Variants in NBPF12 observed in about 807,000 individuals in gnomAD.
NBPF12 encodes the protein NBPF member 12.
Under a neutral mutation model 146.4 loss-of-function variants are expected in NBPF12, and 115 were observed. That is an observed-to-expected ratio of 0.79 (90% CI 0.68 to 0.92). The LOEUF is 0.92. Ranked by LOEUF, NBPF12 falls within the 40% of genes least tolerant of loss-of-function variation. The pLI, the probability that NBPF12 is intolerant of heterozygous loss-of-function variation, is 0.00. For synonymous variants in NBPF12, 385 were observed against 508.9 expected, an observed-to-expected ratio of 0.76 and a Z score of 3.28; for missense variants, 1,205 against 1,326.8, an observed-to-expected ratio of 0.91 and a Z score of 1.43.
upstream of NBPF12, among the ~76,000 whole-genome samples, chr1:146,947,009 C>T (rs1170993997): frequency 1.1e-4 from 17 of 152,030 alleles, no homozygotes; most frequent in South Asian, 8.3e-4. Context: ...TTCTGGGCTC[C>T]GTATTCTTTT....
chr1:146,944,337 AAG>A (rs1654926718), upstream of NBPF12, among the ~76,000 whole-genome samples: 2 of 143,640 alleles, frequency 1.4e-5, no homozygotes, highest in African/African-American at 2.5e-5. Context: ...GGGAGAAAGA[AAG>A]GGGCATGGCC....
At chr1:146,981,269 TAAA>T in intron 19 of NBPF12, among the ~76,000 whole-genome samples, 1 of 67,674 alleles carries the variant, frequency 1.5e-5, no homozygotes, top group Non-Finnish European at 2.8e-5. Flanking sequence ...CCCTAAGACT[TAAA>T]GTATTAAAAA....
chr1:146,944,883 C>T (rs1654953437), upstream of NBPF12, among the ~76,000 whole-genome samples: 1 of 145,886 alleles, frequency 6.9e-6, no homozygotes, highest in Non-Finnish European at 1.5e-5. Context: ...TCCCTTCCAC[C>T]CTCCCTCCCT....
At chr1:146,962,555 T>C (rs1229067241) in intron 5 of NBPF12, among the ~76,000 whole-genome samples, 23,437 of 151,652 alleles carry the variant, frequency 0.15, 2,208 homozygotes, top group Admixed American at 0.28. Context: ...GCATTCAGTA[T>C]ACTCAAAATG....
At chr1:146,992,462 C>CTCTCTCTCAGTG (rs1450490306) in intron 31 of NBPF12, among the ~76,000 whole-genome samples, 1 of 66,254 alleles carries the variant, frequency 1.5e-5, no homozygotes, top group African/African-American at 7.2e-5. Flanking sequence ...CTCTCTCTCT[C>CTCTCTCTCAGTG]TGTGTGTGTG....
chr1:146,938,659 C>G (rs1654640688), upstream of NBPF12: 1 of 152,160 alleles, frequency 6.6e-6, no homozygotes, highest in South Asian at 2.1e-4. Flanking sequence ...GCCCGCGGCC[C>G]GAACCCGTTG....
At chr1:146,965,195 G>A in intron 8 of NBPF12, 91 bp downstream of exon 11, 1 of 824,872 alleles carries the variant, frequency 1.2e-6, no homozygotes, top group Middle Eastern at 3.4e-4. Flanking sequence ...TATTGTTATT[G>A]TTTTAGTCAG....
chr1:146,962,997 T>G, intron 5 of NBPF12, 98 bp from the exon 9 acceptor site: 2 of 1,058,044 alleles, frequency 1.9e-6, no homozygotes, highest in South Asian at 2.6e-5. Flanking sequence ...TGCTTGAAGG[T>G]CTCCTTGAGA....
intron 4 of NBPF12, 57 bp from the exon 8 acceptor site, chr1:146,962,104 G>A (rs1483165438): frequency 7.0e-6 from 11 of 1,567,470 alleles, no homozygotes; most frequent in South Asian, 2.2e-5. Context: ...TGTAGGCAGT[G>A]ACCACAGCAG....
rs1437775847 is a variant in NBPF12 at position 146,984,942 on chromosome 1, C to T, written c.2796C>T (p.Tyr932=). ...GCCAGCCCTACAGAAGTGCCTTTTA[C>T]GTATTGGAGCAACAGCGTGTTGGCT... Residue 932 remains tyrosine, a synonymous_variant, in exon 22 of 34, where the codon TAC becomes TAT. Transcript: ENST00000617844. 822 of 1,554,018 alleles carry T rather than the reference C, an allele frequency of 5.3e-4. 2 individuals are homozygous for T. The highest frequency in any genetic ancestry group is 3.3e-3 in the African/African-American group (240 of 72,830).
chr1:146,943,414 G>A (rs2101808179), exon 2 of NBPF12: 1 of 491,398 alleles, frequency 2.0e-6, no homozygotes, highest in South Asian at 3.3e-5. Context: ...GTGTGCTCTT[G>A]GCCTCCACAC....
chr1:146,941,758 C>CAAAAAAAAAAAA (rs1226007703), intron 1 of NBPF12, among the ~76,000 whole-genome samples: 2 of 61,836 alleles, frequency 3.2e-5, no homozygotes, highest in Non-Finnish European at 3.1e-5. Flanking sequence ...TGTCTTGTAC[C>CAAAAAAAAAAAA]AAAAAAAAAA....
At chr1:146,972,711 A>C (rs1553886751) in intron 13 of NBPF12, 40 bp from the exon 17 acceptor site, 59 of 1,382,858 alleles carry the variant, frequency 4.3e-5, no homozygotes, top group Non-Finnish European at 5.7e-5. Flanking sequence ...TCATTTCATC[A>C]GTTTTTAACC....
At position 146,965,791 on chromosome 1, in the gene NBPF12, CAAAAAAAAAAAAAAAAA is replaced by C. The variant is rs1162462110; in HGVS notation, c.779-660_779-644del. ...TGGGAGACAGAGCGAGACTGCATCT[CAAAAAAAAAAAAAAAAA>C]AAAAAAAAAAAAGTCTCTGACCAGG... On this transcript the variant is annotated intron_variant, in intron 8 of 33. Transcript: ENST00000617844. Among the ~76,000 whole-genome samples the C allele has an allele frequency of 5.7e-4, 17 of 30,056 alleles. No individual in the cohort carries two copies. The East Asian group carries it at 0.027, about 48-fold the overall frequency. 19.7% of individuals were successfully genotyped at this position (30,056 alleles called of 152,430 possible). A position where few individuals can be genotyped will look rare whatever the true frequency, so the allele number is the denominator to read the frequency against.
At chr1:146,965,056 A>G in exon 8 of NBPF12, 1 of 1,607,966 alleles carries the variant, frequency 6.2e-7, no homozygotes, top group South Asian at 1.1e-5. Context: ...GGTTGTAGAC[A>G]GAAAATCCTC....
intron 1 of NBPF12, among the ~76,000 whole-genome samples, chr1:146,942,517 T>C (rs1196773550): frequency 6.6e-6 from 1 of 151,640 alleles, no homozygotes; most frequent in African/African-American, 2.4e-5. Context: ...TGAATAAATA[T>C]TTGTTAAATG....
At chr1:146,949,259 C>T (rs1163804089), upstream of NBPF12, 13 of 149,714 alleles carry the variant, frequency 8.7e-5, no homozygotes, top group African/African-American at 2.2e-4. Flanking sequence ...TTCCACCTAA[C>T]GAGAAACGCC....
chr1:146,992,476 G>GTGTT (rs1658252844), intron 31 of NBPF12, among the ~76,000 whole-genome samples: 6 of 117,478 alleles, frequency 5.1e-5, no homozygotes, highest in East Asian at 2.7e-4. Flanking sequence ...GTGTGTGTGT[G>GTGTT]TGTGTGTGTG....
At chr1:146,957,841 A>AT (rs1199427444) in intron 2 of NBPF12, among the ~76,000 whole-genome samples, 2 of 116,996 alleles carry the variant, frequency 1.7e-5, no homozygotes, top group East Asian at 3.0e-4. Context: ...AAAAAAATAT[A>AT]ATATATATAT....
Sources: gnomAD v4.1 joint callset for allele counts (sites outside exome capture counted in the v4.1 genomes callset) on GRCh38, gnomAD v4.1.1 for gene constraint, MANE v1.5 for transcripts, NCBI Gene and HGNC (gene_info 2026-07-23, HGNC 2026-07-21) for gene names.